CWH43: variants seen among roughly 807,000 people sequenced by gnomAD.
CWH43 encodes cell wall biogenesis 43 C-terminal homolog, also known as PGAP2-interacting protein.
In CWH43, 91 loss-of-function variants were observed where a neutral mutation model predicts 85.7. The ratio of observed to expected loss-of-function variants is 1.06; its 90% CI spans 0.90 to 1.26. CWH43 has a LOEUF of 1.26. Ranked by LOEUF, CWH43 falls within the 50% of genes most tolerant of loss-of-function variation. The pLI is 0.00. For missense variants in CWH43, 869 were observed against 839.2 expected (o/e 1.04, Z -0.44); for synonymous variants, 323 against 293.6 (o/e 1.10, Z -1.02).
chr4:49,007,448 G>A (rs1188428868), intron 8 of CWH43, 122 bp downstream of exon 8: 1 of 1,203,686 alleles, frequency 8.3e-7, no homozygotes, highest in Non-Finnish European at 1.1e-6. Flanking sequence ...TCAACATTTT[G>A]CCATGTTGTT....
intron 15 of CWH43, among the ~76,000 whole-genome samples, chr4:49,058,712 C>T (rs1471792164): frequency 4.6e-5 from 7 of 152,174 alleles, no homozygotes; most frequent in East Asian, 1.9e-4. Flanking sequence ...TTCCTTGTCC[C>T]TGAAGGACAG....
intron 10 of CWH43, among the ~76,000 whole-genome samples, chr4:49,030,495 A>G (rs1165107293): frequency 3.3e-5 from 5 of 152,218 alleles, no homozygotes; most frequent in African/African-American, 1.2e-4. Context: ...ATGGTGCACC[A>G]TTCTCTTGTT....
chr4:48,986,914 C>T, intron 1 of CWH43: 1 of 634,988 alleles, frequency 1.6e-6, no homozygotes, highest in Non-Finnish European at 2.0e-6. Context: ...CACTGGGCGG[C>T]AGCTGCTGCC....
chr4:49,037,914 G>A lies in CWH43; in HGVS notation c.1659-122G>A, dbSNP rs1784308117. 6 of 734,372 alleles carry A rather than the reference G, an allele frequency of 8.2e-6. No individual in the cohort carries two copies. The South Asian group carries it at 8.7e-5, about 11-fold the overall frequency. 45.5% of individuals were successfully genotyped at this position (734,372 alleles called of 1,614,324 possible). On this transcript the variant is annotated intron_variant, in intron 12 of 15. Transcript: ENST00000226432. ...TTGTATAATGTTAAGACAGTTGCCC[G>A]AGTAGGAATGACTCTGGGCTTCTTC... is the stretch of plus-strand genomic sequence containing the variant.
chr4:49,011,936 T>C (rs1783375518), intron 8 of CWH43, among the ~76,000 whole-genome samples: 1 of 152,220 alleles, frequency 6.6e-6, no homozygotes, highest in South Asian at 2.1e-4. Context: ...TTGGTGAATC[T>C]GACAGTCATG....
At chr4:49,029,382 C>T (rs746918670) in intron 10 of CWH43, among the ~76,000 whole-genome samples, 2 of 152,178 alleles carry the variant, frequency 1.3e-5, no homozygotes, top group Non-Finnish European at 2.9e-5. Context: ...TAACCAGGGG[C>T]ACAATGCACT....
chr4:49,046,560 G>T (rs1371144580), intron 14 of CWH43, among the ~76,000 whole-genome samples: 1 of 152,092 alleles, frequency 6.6e-6, no homozygotes, highest in South Asian at 2.1e-4. Context: ...AGGGTGTGTG[G>T]GGGTGGCTGT....
intron 5 of CWH43, among the ~76,000 whole-genome samples, chr4:48,995,217 C>T (rs1257855537): frequency 2.0e-5 from 3 of 152,134 alleles, no homozygotes; most frequent in Non-Finnish European, 4.4e-5. Flanking sequence ...ACCACAGTCC[C>T]CTGAGGAGAC....
chr4:49,017,343 A>T lies in CWH43; in HGVS notation c.1266+15A>T. ...TGGGCAAAGTGGTAAGTAATTAAAA[A>T]CCTTGAAATAGAATTTTATATGGTA... On this transcript the variant is annotated intron_variant, in intron 9 of 15. Transcript: ENST00000226432. 2 of 1,547,676 alleles carry T rather than the reference A, an allele frequency of 1.3e-6. No individual in the cohort carries two copies. The highest frequency in any genetic ancestry group is 1.8e-6 in the Non-Finnish European group (2 of 1,125,814).
chr4:49,007,060 T>G lies in CWH43; in HGVS notation c.1061-141T>G, dbSNP rs1394062879. The G allele has an allele frequency of 3.2e-6, 3 of 938,034 alleles. No homozygotes were observed. The East Asian group carries it at 8.8e-5, about 28-fold the overall frequency. The allele number at this position is 938,034 out of a possible 1,614,324, so 58.1% of individuals were successfully genotyped here. ...TTATCAAAAGCACTACTAGAGTAAT[T>G]GTTTAGGTTCTGAGATAAATTAAAT... On this transcript the variant is annotated intron_variant, in intron 7 of 15. Transcript: ENST00000226432.
chr4:49,032,825 C>A (rs1182579129), intron 12 of CWH43, 110 bp downstream of exon 12: 5 of 1,323,978 alleles, frequency 3.8e-6, no homozygotes, highest in African/African-American at 2.9e-5. Context: ...TTTTACCTCC[C>A]AAAGTATTTC....
At chr4:49,000,420 T>C (rs1421090799) in intron 6 of CWH43, among the ~76,000 whole-genome samples, 2 of 152,202 alleles carry the variant, frequency 1.3e-5, no homozygotes, top group Non-Finnish European at 2.9e-5. Context: ...ATTTGGAGCC[T>C]GTGGAGGTTT....
In CWH43 at chr4:48,992,658, G is replaced by C. The variant is rs1415451499; in HGVS notation, c.511+568G>C. 6.6e-6 allele frequency among the ~76,000 whole-genome samples: 1 copy of C among 152,132 alleles called. No homozygotes were observed. Among genetic ancestry groups the C allele is most frequent in the Non-Finnish European group, 1.5e-5 (1 of 68,020 alleles). ...CCGAGACAGAAACATGCCCAGCTTA[G>C]AGTTTGTTTCATAAACCAACCCGAG... On this transcript the variant is annotated intron_variant, in intron 4 of 15. Coordinates refer to ENST00000226432, the MANE Select transcript of CWH43 (RefSeq NM_025087.3). This position sits in a 1 kb window ranked among gnomAD's most constrained non-coding sequence, Gnocchi z 4.3.
rs150977069 is a variant in CWH43, at chr4:49,046,031, T to C, written c.1865+1184T>C. ...CCTTCTCCCTGTTCTCCCCCATTGC[T>C]GGTAACCACTATTCTACTCTCAACT... is the stretch of plus-strand genomic sequence containing the variant. On this transcript the variant is annotated intron_variant, in intron 14 of 15. Transcript: ENST00000226432. Among the ~76,000 whole-genome samples, 1,466 of 152,292 alleles carry C rather than the reference T, an allele frequency of 9.6e-3. 18 individuals are homozygous for C. The highest frequency in any genetic ancestry group is 0.029 in the African/African-American group (1,217 of 41,568).
In CWH43 at chr4:49,015,952, G is replaced by A. The variant is rs1409479675; in HGVS notation, c.1187-1297G>A. On this transcript the variant is annotated intron_variant, in intron 8 of 15. Coordinates refer to ENST00000226432, the MANE Select transcript of CWH43 (RefSeq NM_025087.3). ...TTCTGTAAATATAATAAGCATACTTGTTTTATATTCTGATTCAGAGAGTTC... is the reference window on the plus strand; with the variant it reads ...TTCTGTAAATATAATAAGCATACTTATTTTATATTCTGATTCAGAGAGTTC... 3.9e-5 allele frequency among the ~76,000 whole-genome samples: 6 copies of A among 152,090 alleles called. 1 individual carries two copies.
chr4:48,999,101 C>T (rs1371931591), intron 6 of CWH43, among the ~76,000 whole-genome samples: 1 of 152,112 alleles, frequency 6.6e-6, no homozygotes, highest in Non-Finnish European at 1.5e-5. Context: ...CTGGTGGACC[C>T]CAGTGTCTGT....
chr4:48,986,504 G>A (rs201777480), intron 1 of CWH43, 32 bp downstream of exon 1: 54 of 1,551,008 alleles, frequency 3.5e-5, no homozygotes, highest in Non-Finnish European at 4.6e-5. Context: ...CGAGTTCGCG[G>A]GTGCCAGCTC....
chr4:49,050,195 C>A (rs1015386501), intron 14 of CWH43, among the ~76,000 whole-genome samples: 1 of 152,166 alleles, frequency 6.6e-6, no homozygotes, highest in African/African-American at 2.4e-5. Flanking sequence ...TGCATAATGT[C>A]TACAAAGTGC....
chr4:49,012,768 A>G (rs1237987042), intron 8 of CWH43, among the ~76,000 whole-genome samples: 1 of 152,088 alleles, frequency 6.6e-6, no homozygotes, highest in Non-Finnish European at 1.5e-5. Context: ...CTGGAGGTCC[A>G]CTCCAGACGT....
Sources: allele counts gnomAD v4.1 joint callset (sites outside exome capture counted in the v4.1 genomes callset), GRCh38; gene constraint gnomAD v4.1.1; non-coding constraint Gnocchi (gnomAD v3.1); transcripts MANE v1.5; gene names NCBI Gene and HGNC (gene_info 2026-07-23, HGNC 2026-07-21).